The following SEMA5A variants were observed in gnomAD, a reference collection of about 807,000 sequenced individuals.
SEMA5A encodes semaphorin-5A.
A neutral mutation model predicts 135.5 loss-of-function variants in SEMA5A; 55 were observed. That is an observed-to-expected ratio of 0.41 (90% CI 0.33 to 0.51). The LOEUF is 0.51. Among genes scored for constraint, SEMA5A ranks in the 20% least tolerant of loss-of-function variants. The pLI is 0.37. For synonymous variants in SEMA5A, 580 were observed against 546.5 expected (o/e 1.06, Z -0.85); for missense variants, 1,290 against 1,419.9 (o/e 0.91, Z 1.47).
At chr5:9,421,806 C>G (rs558215302) in intron 2 of SEMA5A, among the ~76,000 whole-genome samples, 1 of 152,264 alleles carries the variant, frequency 6.6e-6, no homozygotes, top group East Asian at 1.9e-4. Context: ...AGGATTTGCT[C>G]TTATGTGAAC....
rs1738336351 is a variant in SEMA5A at position 9,545,427 on chromosome 5, C to A, written c.-175+157G>T. On this transcript the variant is annotated intron_variant, in intron 1 of 22. Coordinates refer to ENST00000382496, the MANE Select transcript of SEMA5A (RefSeq NM_003966.3). The surrounding 1 kb of genome is among the most constrained non-coding windows in gnomAD (Gnocchi z 4.5). ...GTCGTCCTAATCCTGTACGCGCAAC[C>A]CCCGCCCAGGTGCCTGCTGATGGAT... Among the ~76,000 whole-genome samples the A allele has an allele frequency of 6.6e-6, 1 of 152,182 alleles. No individual in the cohort carries two copies. Among genetic ancestry groups the A allele is most frequent in the Non-Finnish European group, 1.5e-5 (1 of 68,032 alleles).
intron 5 of SEMA5A, among the ~76,000 whole-genome samples, chr5:9,258,082 A>C (rs1478137838): frequency 6.6e-6 from 1 of 152,208 alleles, no homozygotes; most frequent in Non-Finnish European, 1.5e-5. Flanking sequence ...GTCGCTGAGA[A>C]GAAACACAAG....
At chr5:9,095,035 A>G (rs939508283) in intron 16 of SEMA5A, among the ~76,000 whole-genome samples, 3 of 152,206 alleles carry the variant, frequency 2.0e-5, no homozygotes, top group African/African-American at 7.2e-5. Flanking sequence ...GTGGCACACT[A>G]TCAGGCCACA....
intron 4 of SEMA5A, among the ~76,000 whole-genome samples, chr5:9,335,993 G>A (rs1753373171): frequency 6.6e-6 from 1 of 151,470 alleles, no homozygotes; most frequent in Admixed American, 6.6e-5. Context: ...ATTAAGTGCA[G>A]TTAAAAAAAA....
At chr5:9,197,914 A>G (rs1745507339) in intron 9 of SEMA5A, among the ~76,000 whole-genome samples, 1 of 152,190 alleles carries the variant, frequency 6.6e-6, no homozygotes, top group African/African-American at 2.4e-5. Flanking sequence ...CAAAGGGTCA[A>G]AGAGAAAAAT....
At chr5:9,123,780 C>T (rs1366305312) in intron 13 of SEMA5A, among the ~76,000 whole-genome samples, 11 of 152,118 alleles carry the variant, frequency 7.2e-5, no homozygotes, top group Admixed American at 7.2e-4. Flanking sequence ...TTAAGAATAT[C>T]CCAGTCAAAC....
chr5:9,339,354 G>A (rs1753541606), intron 3 of SEMA5A, among the ~76,000 whole-genome samples: 1 of 152,152 alleles, frequency 6.6e-6, no homozygotes, highest in South Asian at 2.1e-4. Context: ...TGTCCTAGAG[G>A]GGCAAAGCAA....
Position 9,348,770 on chromosome 5 carries a change from C to A in SEMA5A, c.125-10958G>T, listed in dbSNP as rs1035139437. Reference sequence around the variant, plus strand: ...GTGGCCAAAGTGCTGGCTGTGTAAACAGTGATAGCCAGAAGACTGACAGCA... The same window carrying A: ...GTGGCCAAAGTGCTGGCTGTGTAAAAAGTGATAGCCAGAAGACTGACAGCA... On this transcript the variant is annotated intron_variant, in intron 3 of 22. Transcript: ENST00000382496. 8.5e-5 allele frequency among the ~76,000 whole-genome samples: 13 copies of A among 152,256 alleles called. No individual in the cohort carries two copies. In the South Asian group the frequency reaches 1.2e-3, roughly 15 times the overall value.
At chr5:9,528,427 A>G (rs976515112) in intron 1 of SEMA5A, among the ~76,000 whole-genome samples, 5 of 152,186 alleles carry the variant, frequency 3.3e-5, no homozygotes, top group African/African-American at 1.2e-4. Context: ...GCCTCAGCAC[A>G]GTCTCCCCAC....
At chr5:9,177,507 G>A (rs181416106) in intron 11 of SEMA5A, among the ~76,000 whole-genome samples, 1 of 152,334 alleles carries the variant, frequency 6.6e-6, no homozygotes, top group Admixed American at 6.5e-5. Context: ...AAATGTATGT[G>A]TATTTTCTGT....
intron 2 of SEMA5A, among the ~76,000 whole-genome samples, chr5:9,424,175 A>G (rs1295861628): frequency 6.6e-5 from 10 of 151,216 alleles, no homozygotes; most frequent in South Asian, 4.2e-4. Context: ...TGATTGTGAG[A>G]AAAAAAAAGG....
chr5:9,383,037 G>A (rs553697743), intron 2 of SEMA5A, among the ~76,000 whole-genome samples: 1 of 152,352 alleles, frequency 6.6e-6, no homozygotes, highest in South Asian at 2.1e-4. Flanking sequence ...CAGAGAGCCA[G>A]AGGCTCATCT....
intron 11 of SEMA5A, among the ~76,000 whole-genome samples, chr5:9,162,444 A>T (rs796081335): frequency 5.2e-5 from 5 of 95,452 alleles, no homozygotes; most frequent in Admixed American, 2.0e-4. Context: ...ATATATGTGT[A>T]TGTGTATATA....
intron 5 of SEMA5A, among the ~76,000 whole-genome samples, chr5:9,312,804 C>T (rs1752202537): frequency 6.6e-6 from 1 of 152,164 alleles, no homozygotes; most frequent in African/African-American, 2.4e-5. Flanking sequence ...CCAAAATATT[C>T]CTTACACCAG....
intron 10 of SEMA5A, among the ~76,000 whole-genome samples, chr5:9,191,560 T>C (rs983826612): frequency 1.3e-5 from 2 of 152,236 alleles, no homozygotes; most frequent in African/African-American, 4.8e-5. Context: ...TAACATGTCA[T>C]GTCTAATATG....
intron 1 of SEMA5A, among the ~76,000 whole-genome samples, chr5:9,458,199 G>T (rs114563827): frequency 1.3e-5 from 2 of 151,050 alleles, no homozygotes; most frequent in African/African-American, 2.4e-5. Flanking sequence ...GAGCCACCGC[G>T]CCTGGCCCAG....
At chr5:9,184,847 G>T (rs1483966687) in intron 11 of SEMA5A, among the ~76,000 whole-genome samples, 1 of 151,942 alleles carries the variant, frequency 6.6e-6, no homozygotes, top group Admixed American at 6.6e-5. Flanking sequence ...TTGCTTTTCT[G>T]TAGACTGAAG....
At chr5:9,316,404 C>T (rs566262902) in intron 5 of SEMA5A, among the ~76,000 whole-genome samples, 25 of 152,244 alleles carry the variant, frequency 1.6e-4, no homozygotes, top group African/African-American at 5.5e-4. Flanking sequence ...ACTAAGAATA[C>T]TTCTAAACCC....
chr5:9,202,303 C>G, intron 8 of SEMA5A, 63 bp from the exon 9 acceptor site: 1 of 1,548,746 alleles, frequency 6.5e-7, no homozygotes, highest in Non-Finnish European at 8.8e-7. Flanking sequence ...TTGGTCTTGC[C>G]TGCTCAGTAT....
Sources: allele counts gnomAD v4.1 joint callset (sites outside exome capture counted in the v4.1 genomes callset), GRCh38; gene constraint gnomAD v4.1.1; non-coding constraint Gnocchi (gnomAD v3.1); transcripts MANE v1.5; gene names NCBI Gene and HGNC (gene_info 2026-07-23, HGNC 2026-07-21).